The following XPO4 variants were observed in gnomAD, a reference collection of about 807,000 sequenced individuals.
XPO4 encodes the protein exportin-4.
Under a neutral mutation model 143.0 loss-of-function variants are expected in XPO4, and 39 were observed. That is an observed-to-expected ratio of 0.27 (90% CI 0.21 to 0.36). The LOEUF (loss-of-function observed/expected upper bound fraction) is 0.36. Among genes scored for constraint, XPO4 ranks in the 10% least tolerant of loss-of-function variants. XPO4 has a pLI of 1.00. For synonymous variants in XPO4, 439 were observed against 474.0 expected, an observed-to-expected ratio of 0.93 and a Z score of 0.96; for missense variants, 907 against 1,348.0, an observed-to-expected ratio of 0.67 and a Z score of 5.12.
In XPO4 at chr13:20,782,641, G is replaced by C. The variant is rs2059155262; in HGVS notation, c.*1081C>G. On this transcript the variant is annotated 3_prime_UTR_variant, in exon 23 of 23. Coordinates refer to ENST00000255305, the MANE Select transcript of XPO4 (RefSeq NM_022459.5). ...TAGATATGGGCTATGTGGCTGGATA[G>C]AAACACACTCAAAAAGTTAGACTAG... 6.6e-6 allele frequency: 1 copy of C among 152,568 alleles called. No individual in the cohort carries two copies. Among genetic ancestry groups the C allele is most frequent in the South Asian group, 2.1e-4 (1 of 4,824 alleles). The allele number at this position is 152,568 out of a possible 1,614,324, so 9.5% of individuals were successfully genotyped here. A position where few individuals can be genotyped will look rare whatever the true frequency, so the allele number is the denominator to read the frequency against.
intron 1 of XPO4, among the ~76,000 whole-genome samples, chr13:20,890,663 T>C (rs540668160): frequency 2.6e-4 from 40 of 151,394 alleles, no homozygotes; most frequent in South Asian, 2.3e-3. Context: ...CTGGGTATGG[T>C]TGGTGTCTGT....
intron 1 of XPO4, among the ~76,000 whole-genome samples, chr13:20,893,511 G>T (rs1449613405): frequency 1.3e-5 from 2 of 152,088 alleles, no homozygotes; most frequent in East Asian, 3.9e-4. Flanking sequence ...AGGCCGAGGT[G>T]GGAGGATCAC....
At chr13:20,888,398 T>G (rs1345476710) in intron 1 of XPO4, among the ~76,000 whole-genome samples, 1 of 152,168 alleles carries the variant, frequency 6.6e-6, no homozygotes, top group Non-Finnish European at 1.5e-5. Flanking sequence ...CTAGGCTGGA[T>G]GGAGTGCAGT....
intron 1 of XPO4, among the ~76,000 whole-genome samples, chr13:20,896,341 T>C (rs989001816): frequency 2.0e-5 from 3 of 152,230 alleles, no homozygotes; most frequent in African/African-American, 7.2e-5. Flanking sequence ...AGGGAGAAAT[T>C]GCCACCTTAA....
At chr13:20,785,663 G>A (rs891683685) in intron 22 of XPO4, among the ~76,000 whole-genome samples, 3 of 149,408 alleles carry the variant, frequency 2.0e-5, no homozygotes, top group African/African-American at 5.0e-5. Context: ...GTGAGACCCT[G>A]TCTCAGAAAA....
rs1168310081 is a variant in XPO4, at chr13:20,842,882, G to A, written c.727+13C>T. 34 of 1,598,682 alleles carry A rather than the reference G, an allele frequency of 2.1e-5. No individual in the cohort carries two copies. The highest frequency in any genetic ancestry group is 2.7e-5 in the Non-Finnish European group (32 of 1,169,750). On this transcript the variant is annotated intron_variant, in intron 6 of 22. Coordinates refer to ENST00000255305, the MANE Select transcript of XPO4 (RefSeq NM_022459.5). Reference sequence around the variant, plus strand: ...ATTACCACAGATAAACTATTCATTTGTTAAAAGGATATAATTTGGAGGAAG... The same window carrying A: ...ATTACCACAGATAAACTATTCATTTATTAAAAGGATATAATTTGGAGGAAG...
intron 1 of XPO4, chr13:20,902,351 C>T: frequency 2.0e-6 from 2 of 985,420 alleles, no homozygotes; most frequent in Non-Finnish European, 2.4e-6. Context: ...CCAACTCCTT[C>T]CCGGCGCCTT....
At chr13:20,875,232 G>A (rs924107693) in intron 1 of XPO4, among the ~76,000 whole-genome samples, 4 of 152,130 alleles carry the variant, frequency 2.6e-5, no homozygotes, top group Non-Finnish European at 5.9e-5. Flanking sequence ...GAGGTTACCA[G>A]TGATCCTATC....
intron 1 of XPO4, among the ~76,000 whole-genome samples, chr13:20,881,712 T>C (rs1478076008): frequency 1.3e-5 from 2 of 152,206 alleles, no homozygotes; most frequent in Non-Finnish European, 2.9e-5. Flanking sequence ...ATCATCAAAC[T>C]GGACACCTAA....
intron 4 of XPO4, chr13:20,850,833 AC>A (rs2060077665): frequency 1.0e-6 from 1 of 985,316 alleles, no homozygotes; most frequent in Admixed American, 6.1e-5. Context: ...CAGACTACAT[AC>A]AGTTTCTGGC....
intron 12 of XPO4, among the ~76,000 whole-genome samples, 176 bp from the exon 13 acceptor site, chr13:20,807,810 C>T (rs1432583418): frequency 6.6e-6 from 1 of 152,032 alleles, no homozygotes; most frequent in South Asian, 2.1e-4. Flanking sequence ...AGATAAGTAA[C>T]CCTCAAAACT....
intron 6 of XPO4, among the ~76,000 whole-genome samples, chr13:20,830,610 T>A (rs935974541): frequency 3.3e-5 from 5 of 152,062 alleles, no homozygotes; most frequent in Admixed American, 6.6e-5. Context: ...CTAAAAAAAA[T>A]TAATTATTCC....
At chr13:20,821,924 T>C in intron 8 of XPO4, 46 bp from the exon 9 acceptor site, 1 of 1,533,300 alleles carries the variant, frequency 6.5e-7, no homozygotes, top group Non-Finnish European at 8.8e-7. Context: ...AAAAGAAAAA[T>C]TATTAATATA....
At chr13:20,829,174 T>A (rs1223496966) in intron 6 of XPO4, among the ~76,000 whole-genome samples, 1 of 152,146 alleles carries the variant, frequency 6.6e-6, no homozygotes, top group Non-Finnish European at 1.5e-5. Flanking sequence ...CCCAGGGAAG[T>A]CTTGAACTCC....
At chr13:20,841,050 A>G (rs142977102) in intron 6 of XPO4, among the ~76,000 whole-genome samples, 91 of 152,248 alleles carry the variant, frequency 6.0e-4, no homozygotes, top group African/African-American at 1.8e-3. Flanking sequence ...CCAGAGAACT[A>G]TTTCTTTTTA....
chr13:20,826,953 G>A (rs748114749), intron 7 of XPO4, 114 bp downstream of exon 7: 265 of 686,066 alleles, frequency 3.9e-4, no homozygotes, highest in East Asian at 1.7e-3. Context: ...ATACTGATGA[G>A]AAGACAAGAC....
At chr13:20,810,772 T>G (rs1365630309) in intron 9 of XPO4, among the ~76,000 whole-genome samples, 1 of 152,174 alleles carries the variant, frequency 6.6e-6, no homozygotes, top group Non-Finnish European at 1.5e-5. Context: ...CTGTATGAGA[T>G]CCACTAAGGA....
rs573773377 is a variant in XPO4, at chr13:20,807,064, G to A, written c.1817+393C>T. Among the ~76,000 whole-genome samples the A allele has an allele frequency of 6.6e-5, 10 of 152,090 alleles. No homozygotes were observed. In the South Asian group the frequency reaches 1.9e-3, roughly 28 times the overall value. Reference sequence around the variant, plus strand: ...TATCATTTTCCATGAGAAAGCCACCGAAACGTAGTTTTAGCTTTTATGAAC... The same window carrying A: ...TATCATTTTCCATGAGAAAGCCACCAAAACGTAGTTTTAGCTTTTATGAAC... On this transcript the variant is annotated intron_variant, in intron 13 of 22. Coordinates refer to ENST00000255305, the MANE Select transcript of XPO4 (RefSeq NM_022459.5).
At chr13:20,881,629 G>T (rs1005316967) in intron 1 of XPO4, among the ~76,000 whole-genome samples, 5 of 152,016 alleles carry the variant, frequency 3.3e-5, no homozygotes, top group East Asian at 3.9e-4. Flanking sequence ...TATAATAAAA[G>T]AAATATAAAT....
Sources: gnomAD v4.1 joint callset for allele counts (sites outside exome capture counted in the v4.1 genomes callset) on GRCh38, gnomAD v4.1.1 for gene constraint, MANE v1.5 for transcripts, NCBI Gene and HGNC (gene_info 2026-07-23, HGNC 2026-07-21) for gene names.